The following GABBR2 variants were observed in gnomAD, a reference collection of about 807,000 sequenced individuals.
GABBR2 encodes the protein G-protein coupled receptor 51.
Under a neutral mutation model 105.6 loss-of-function variants are expected in GABBR2, and 23 were observed. The observed-to-expected ratio is 0.22, with a 90% CI of 0.16 to 0.31. GABBR2 has a LOEUF of 0.31. GABBR2 is among the 10% of genes least tolerant of loss of function. The pLI is 1.00. For synonymous variants in GABBR2, 478 were observed against 499.7 expected (o/e 0.96, Z 0.58); for missense variants, 734 against 1,245.5 (o/e 0.59, Z 6.18).
intron 7 of GABBR2, among the ~76,000 whole-genome samples, chr9:98,416,707 G>C (rs1301782787): frequency 6.6e-6 from 1 of 152,194 alleles, no homozygotes; most frequent in African/African-American, 2.4e-5. Context: ...TGAGCTCCTG[G>C]GTTCTGAAAA....
chr9:98,567,940 A>G (rs1242728738), intron 2 of GABBR2, among the ~76,000 whole-genome samples: 1 of 152,214 alleles, frequency 6.6e-6, no homozygotes, highest in Non-Finnish European at 1.5e-5. Flanking sequence ...GAGAGTATAC[A>G]GCAGGCGCTG....
chr9:98,562,458 G>A (rs1233588100), intron 2 of GABBR2, among the ~76,000 whole-genome samples: 4 of 152,114 alleles, frequency 2.6e-5, no homozygotes, highest in Non-Finnish European at 5.9e-5. Context: ...TTCAGATGTG[G>A]TTATATTAGG....
chr9:98,491,150 G>A (rs936675269), intron 4 of GABBR2, among the ~76,000 whole-genome samples: 5 of 152,104 alleles, frequency 3.3e-5, no homozygotes, highest in Non-Finnish European at 7.4e-5. Flanking sequence ...AATAGTCCGT[G>A]AGCATGTTAT....
At chr9:98,519,765 G>A (rs1827830486) in intron 3 of GABBR2, among the ~76,000 whole-genome samples, 1 of 150,774 alleles carries the variant, frequency 6.6e-6, no homozygotes, top group Admixed American at 6.6e-5. Flanking sequence ...AGGCCTTGCA[G>A]GACTTACATG....
At chr9:98,336,509 G>T (rs1831118157) in intron 13 of GABBR2, among the ~76,000 whole-genome samples, 1 of 152,116 alleles carries the variant, frequency 6.6e-6, no homozygotes, top group Non-Finnish European at 1.5e-5. Context: ...TTTGAGACCA[G>T]CCTGGCCAAT....
intron 1 of GABBR2, among the ~76,000 whole-genome samples, chr9:98,648,124 G>GTGTGTGTGTGTGTGTGTGT (rs1564140825): frequency 5.9e-4 from 35 of 58,850 alleles, no homozygotes; most frequent in Non-Finnish European, 1.1e-3. Context: ...TGTATAGATA[G>GTGTGTGTGTGTGTGTGTGT]ATAGATAGAT....
intron 13 of GABBR2, among the ~76,000 whole-genome samples, chr9:98,351,207 A>T (rs1009109535): frequency 3.9e-5 from 6 of 152,066 alleles, no homozygotes; most frequent in African/African-American, 1.4e-4. Flanking sequence ...TATGTCTTTT[A>T]ATTGAGGTAT....
intron 13 of GABBR2, among the ~76,000 whole-genome samples, chr9:98,335,817 A>G (rs140292774): frequency 6.9e-6 from 1 of 145,128 alleles, no homozygotes; most frequent in Non-Finnish European, 1.5e-5. Flanking sequence ...GCTGACAAGA[A>G]TCATGCCAGG....
intron 3 of GABBR2, among the ~76,000 whole-genome samples, chr9:98,499,048 G>T (rs1827345106): frequency 6.6e-6 from 1 of 151,964 alleles, no homozygotes; most frequent in Non-Finnish European, 1.5e-5. Flanking sequence ...TAAGATGGGG[G>T]CAATACAGCA....
At chr9:98,644,456 G>C (rs752724970) in intron 1 of GABBR2, among the ~76,000 whole-genome samples, 4 of 152,204 alleles carry the variant, frequency 2.6e-5, no homozygotes, top group Non-Finnish European at 5.9e-5. Context: ...CCCCAGAGAG[G>C]CCTCTAGTGC....
At chr9:98,391,033 C>T (rs189196226) in intron 9 of GABBR2, among the ~76,000 whole-genome samples, 1 of 152,240 alleles carries the variant, frequency 6.6e-6, no homozygotes, top group East Asian at 1.9e-4. Flanking sequence ...TTCATCTGGT[C>T]CATTCATTCA....
chr9:98,514,068 G>A (rs1413248389), intron 3 of GABBR2, among the ~76,000 whole-genome samples: 3 of 149,322 alleles, frequency 2.0e-5, no homozygotes, highest in African/African-American at 7.3e-5. Flanking sequence ...GGAATACTAT[G>A]CAGCTATAAA....
At chr9:98,304,923 C>CGATCTTCCTACTTCAGCCTCCTG (rs1554689183) in intron 15 of GABBR2, among the ~76,000 whole-genome samples, 3 of 152,160 alleles carry the variant, frequency 2.0e-5, no homozygotes, top group South Asian at 2.1e-4. Flanking sequence ...AGGTGTGTAC[C>CGATCTTCCTACTTCAGCCTCCTG]ACCACACCTG....
chr9:98,381,435 A>ATTAAT (rs1227600871), intron 11 of GABBR2, among the ~76,000 whole-genome samples: 4 of 152,226 alleles, frequency 2.6e-5, no homozygotes, highest in Admixed American at 1.3e-4. Flanking sequence ...ACCAAGTGAA[A>ATTAAT]TTAAGGAGCT....
intron 3 of GABBR2, among the ~76,000 whole-genome samples, chr9:98,515,403 C>T (rs541863758): frequency 6.6e-6 from 1 of 152,320 alleles, no homozygotes; most frequent in African/African-American, 2.4e-5. Flanking sequence ...GGACTCTTTT[C>T]TGAGACCCTG....
intron 8 of GABBR2, among the ~76,000 whole-genome samples, chr9:98,395,550 T>A (rs535633013): frequency 6.6e-6 from 1 of 151,548 alleles, no homozygotes; most frequent in African/African-American, 2.4e-5. Flanking sequence ...CCCTGACCCC[T>A]GGGGTGGGCA....
At chr9:98,676,827 T>C (rs1830484128) in intron 1 of GABBR2, among the ~76,000 whole-genome samples, 2 of 152,226 alleles carry the variant, frequency 1.3e-5, no homozygotes. Flanking sequence ...GCCTCTTTTT[T>C]ACAGCAGCTT....
chr9:98,690,419 A>G (rs1229149082), intron 1 of GABBR2, among the ~76,000 whole-genome samples: 1 of 152,200 alleles, frequency 6.6e-6, no homozygotes, highest in Non-Finnish European at 1.5e-5. Flanking sequence ...TATAAATCCA[A>G]TTTCATCTTT....
intron 1 of GABBR2, among the ~76,000 whole-genome samples, chr9:98,614,465 A>G (rs1319568204): frequency 1.3e-5 from 2 of 152,144 alleles, no homozygotes; most frequent in Admixed American, 1.3e-4. Flanking sequence ...GCAGAGGTTG[A>G]GGTGAGCCGA....
Sources: allele counts gnomAD v4.1 joint callset (sites outside exome capture counted in the v4.1 genomes callset), GRCh38; gene constraint gnomAD v4.1.1; transcripts MANE v1.5; gene names NCBI Gene and HGNC (gene_info 2026-07-23, HGNC 2026-07-21).